The following SCNN1B variants were observed in gnomAD, a reference collection of about 807,000 sequenced individuals.
The protein encoded by SCNN1B is sodium channel epithelial 1 subunit beta, also known as epithelial sodium channel subunit beta.
Under a neutral mutation model 65.3 loss-of-function variants are expected in SCNN1B, and 46 were observed. The observed-to-expected ratio is 0.70, with a 90% CI of 0.56 to 0.90. The LOEUF (loss-of-function observed/expected upper bound fraction) is 0.90, where lower values mean the gene tolerates loss of function less well. SCNN1B is among the 40% of genes least tolerant of loss of function. The probability of loss-of-function intolerance (pLI) is 0.00; values close to 1 mark genes in which losing one functional copy is unlikely to be tolerated. For missense variants in SCNN1B, 751 were observed against 830.5 expected (o/e 0.90, Z 1.18); for synonymous variants, 349 against 330.6 (o/e 1.06, Z -0.60).
chr16:23,322,937 C>A (rs1961618604), intron 1 of SCNN1B, among the ~76,000 whole-genome samples: 1 of 151,670 alleles, frequency 6.6e-6, no homozygotes, highest in Non-Finnish European at 1.5e-5. Flanking sequence ...TGTAACCCAG[C>A]ACTTTGGGAG....
intron 1 of SCNN1B, among the ~76,000 whole-genome samples, chr16:23,329,926 T>C (rs1961775858): frequency 1.3e-5 from 2 of 151,672 alleles, no homozygotes; most frequent in Non-Finnish European, 2.9e-5. Flanking sequence ...CATGGGAGAC[T>C]GAGGCGGGAG....
Position 23,380,624 on chromosome 16 carries a change from G to T in SCNN1B, c.1746G>T (p.Val582=), listed in dbSNP as rs747393258. 2 of 1,613,736 alleles carry T rather than the reference G, an allele frequency of 1.2e-6. No individual in the cohort carries two copies. Among genetic ancestry groups the T allele is most frequent in the Non-Finnish European group, 1.7e-6 (2 of 1,179,862 alleles). ...AGPPPTVAEL[V]EAHTNFGFQP... is the part of the protein sequence containing the mutation. ...CACCGCCCACCGTGGCCGAGCTGGT[G>T]GAGGCCCACACCAACTTTGGCTTCC... is the stretch of plus-strand genomic sequence containing the variant. The change falls in exon 13 of 13, where the codon GTG becomes GTT. Residue 582 remains valine (V), a synonymous_variant. Transcript: ENST00000343070. The surrounding 1 kb of genome is among the most constrained non-coding windows in gnomAD (Gnocchi z 5.4).
At chr16:23,314,873 C>G (rs1179293104) in intron 1 of SCNN1B, among the ~76,000 whole-genome samples, 1 of 152,212 alleles carries the variant, frequency 6.6e-6, no homozygotes, top group East Asian at 1.9e-4. Context: ...GACCATGGAC[C>G]CTGGGCCTCC....
intron 1 of SCNN1B, among the ~76,000 whole-genome samples, chr16:23,323,375 G>A (rs1961627917): frequency 6.6e-6 from 1 of 152,140 alleles, no homozygotes; most frequent in East Asian, 1.9e-4. Context: ...TGTGGTGGTG[G>A]GAATTCCCAG....
chr16:23,379,903 G>C (rs1184315968), intron 11 of SCNN1B, among the ~76,000 whole-genome samples, 191 bp from the exon 12 acceptor site: 1 of 152,230 alleles, frequency 6.6e-6, no homozygotes, highest in Non-Finnish European at 1.5e-5. Context: ...TCAGGACAGA[G>C]GAGGGCTGGG....
intron 4 of SCNN1B, among the ~76,000 whole-genome samples, chr16:23,365,620 A>AGAAAGAGAAAGAAAGAAAGAAAG (rs11399911): frequency 1.5e-4 from 12 of 80,498 alleles, no homozygotes; most frequent in African/African-American, 3.8e-4. Context: ...AAAGAAAGAA[A>AGAAAGAGAAAGAAAGAAAGAAAG]AAAGAAAGAA....
In SCNN1B at chr16:23,375,869, C is replaced by G; in HGVS notation, c.1270+14C>G. The G allele has an allele frequency of 6.5e-7, 1 of 1,536,152 alleles. No individual in the cohort carries two copies. ...TCCCAGACTGGGGTGAGCGGGGGCACGGGGGATCGGCACTCCAGCCATCTG... is the reference window on the plus strand; with the variant it reads ...TCCCAGACTGGGGTGAGCGGGGGCAGGGGGGATCGGCACTCCAGCCATCTG... On this transcript the variant is annotated intron_variant, in intron 8 of 12. Transcript: ENST00000343070.
At chr16:23,365,547 AAGAAGGAAAG>A (rs1477550832) in intron 4 of SCNN1B, among the ~76,000 whole-genome samples, 39 of 108,110 alleles carry the variant, frequency 3.6e-4, no homozygotes, top group African/African-American at 7.5e-4. Context: ...AGGAAAGAGA[AAGAAGGAAAG>A]AGAAAGAAAG....
chr16:23,355,531 G>T (rs745894397), intron 4 of SCNN1B, 42 bp downstream of exon 4: 3 of 1,596,798 alleles, frequency 1.9e-6, no homozygotes, highest in Non-Finnish European at 1.7e-6. Flanking sequence ...CCCTGGCACC[G>T]AGAGACAGTG....
At chr16:23,302,296 C>G (rs530631658), upstream of SCNN1B, 59 of 153,324 alleles carry the variant, frequency 3.8e-4, 1 homozygote, top group East Asian at 7.1e-3. Flanking sequence ...GAACCTGCTC[C>G]CTCCCAGTCG....
In SCNN1B at chr16:23,296,010, T is replaced by C. The variant is rs145293972; in HGVS notation, n.178+12206T>C. Among the ~76,000 whole-genome samples, 190 of 152,306 alleles carry C rather than the reference T, an allele frequency of 1.2e-3. 2 individuals carry two copies. Among genetic ancestry groups the C allele is most frequent in the East Asian group, 1.2e-3 (6 of 5,182 alleles). On this transcript the variant is annotated intron_variant and non_coding_transcript_variant, in intron 2 of 3. Coordinates refer to the SCNN1B transcript ENST00000569789. ...CAGGCTGGCTGCACCCTGTGTGATC[T>C]GGGGCTCTGCGGTTGGATTTCTGGG...
At chr16:23,374,423 A>G (rs1962848967) in intron 7 of SCNN1B, among the ~76,000 whole-genome samples, 1 of 148,688 alleles carries the variant, frequency 6.7e-6, no homozygotes, top group Admixed American at 6.7e-5. Context: ...AAAATACAAA[A>G]ATCAGCCGGG....
At chr16:23,295,500 C>A (rs1960984289) in intron 2 of SCNN1B, among the ~76,000 whole-genome samples, 1 of 152,056 alleles carries the variant, frequency 6.6e-6, no homozygotes, top group African/African-American at 2.4e-5. Flanking sequence ...CAGGCACATG[C>A]CACCATGCCT....
chr16:23,279,087 G>T (rs190291235), intron 1 of SCNN1B, among the ~76,000 whole-genome samples: 5 of 151,912 alleles, frequency 3.3e-5, no homozygotes, highest in South Asian at 2.1e-4. Flanking sequence ...GTGTGTGTGT[G>T]TGTGTGTGTG....
At chr16:23,285,032 A>G (rs1340490735) in intron 2 of SCNN1B, among the ~76,000 whole-genome samples, 1 of 152,222 alleles carries the variant, frequency 6.6e-6, no homozygotes, top group Non-Finnish European at 1.5e-5. Flanking sequence ...ATTTTTTAGT[A>G]TCAAAAAGAA....
intron 1 of SCNN1B, among the ~76,000 whole-genome samples, chr16:23,303,070 G>T (rs922710077): frequency 2.6e-5 from 4 of 152,186 alleles, no homozygotes; most frequent in African/African-American, 9.7e-5. Context: ...GGCCAGATCC[G>T]AACGCCCTGC....
At chr16:23,370,730 G>A (rs887190176) in intron 5 of SCNN1B, among the ~76,000 whole-genome samples, 4 of 152,218 alleles carry the variant, frequency 2.6e-5, no homozygotes, top group Non-Finnish European at 5.9e-5. Context: ...TCTGAGGGAA[G>A]AGCATGTGTT....
chr16:23,332,064 T>C (rs1466860211), intron 1 of SCNN1B, among the ~76,000 whole-genome samples: 1 of 152,176 alleles, frequency 6.6e-6, no homozygotes, highest in Non-Finnish European at 1.5e-5. Flanking sequence ...GGTCCTGCTC[T>C]ATTGCCCAGG....
At chr16:23,360,201 A>AAAATAAATAAAT (rs781261312) in intron 4 of SCNN1B, among the ~76,000 whole-genome samples, 2,355 of 132,798 alleles carry the variant, frequency 0.018, 44 homozygotes, top group African/African-American at 0.045. Context: ...CCATCTCAAA[A>AAAATAAATAAAT]AAATAAATAA....
Sources: allele counts gnomAD v4.1 joint callset (sites outside exome capture counted in the v4.1 genomes callset), GRCh38; gene constraint gnomAD v4.1.1; non-coding constraint Gnocchi (gnomAD v3.1); transcripts MANE v1.5; gene names NCBI Gene and HGNC (gene_info 2026-07-23, HGNC 2026-07-21).